Variants in NCOR1 observed in about 807,000 individuals in gnomAD.
NCOR1 encodes protein phosphatase 1, regulatory subunit 109.
NCOR1 carries 63 observed loss-of-function variants against 288.1 expected under a neutral mutation model. The observed-to-expected ratio is 0.22, with a 90% CI of 0.18 to 0.27. NCOR1 has a LOEUF of 0.27. Ranked by LOEUF, NCOR1 falls within the 10% of genes least tolerant of loss-of-function variation. The pLI, the probability that NCOR1 is intolerant of heterozygous loss-of-function variation, is 1.00. For missense variants in NCOR1, 2,397 were observed against 3,019.2 expected (o/e 0.79, Z 4.83); for synonymous variants, 1,007 against 1,065.9 (o/e 0.94, Z 1.08).
At chr17:16,090,183 G>T (rs965252792) in intron 22 of NCOR1, among the ~76,000 whole-genome samples, 2 of 152,040 alleles carry the variant, frequency 1.3e-5, no homozygotes, top group African/African-American at 4.8e-5. Flanking sequence ...ACCAATAAAA[G>T]ATATTGAGGC....
rs1311493743 is a variant in NCOR1 at position 16,030,174 on chromosome 17, T to C, written c.*2122A>G. The C allele has an allele frequency of 4.8e-6, 1 of 207,932 alleles. No individual in the cohort carries two copies. The highest frequency in any genetic ancestry group is 9.6e-6 in the Non-Finnish European group (1 of 103,928). 12.9% of individuals were successfully genotyped at this position (207,932 alleles called of 1,614,324 possible). On this transcript the variant is annotated 3_prime_UTR_variant, in exon 46 of 46. Coordinates refer to ENST00000268712, the MANE Select transcript of NCOR1 (RefSeq NM_006311.4). Reference sequence around the variant, plus strand: ...AGAGAAGAGAAAATGTTTGTTAAGATTATAAGGAAGAGAAAATATATTTAC... The same window carrying C: ...AGAGAAGAGAAAATGTTTGTTAAGACTATAAGGAAGAGAAAATATATTTAC...
chr17:16,203,058 C>T (rs1600514136), intron 1 of NCOR1, among the ~76,000 whole-genome samples: 1 of 151,798 alleles, frequency 6.6e-6, no homozygotes, highest in African/African-American at 2.4e-5. Context: ...CACACACACA[C>T]ACACACACAC....
intron 1 of NCOR1, among the ~76,000 whole-genome samples, chr17:16,209,302 GA>G (rs913482685): frequency 1.3e-5 from 2 of 148,468 alleles, no homozygotes; most frequent in East Asian, 3.9e-4. Context: ...ATAGTAACAA[GA>G]AAAAAAAACA....
At chr17:16,150,717 A>G (rs1354671008) in intron 8 of NCOR1, among the ~76,000 whole-genome samples, 3 of 152,152 alleles carry the variant, frequency 2.0e-5, no homozygotes, top group Non-Finnish European at 4.4e-5. Flanking sequence ...AAAAAAAAAA[A>G]AGTCATTAAG....
chr17:16,131,387 C>T (rs1165018420), intron 14 of NCOR1, among the ~76,000 whole-genome samples: 3 of 151,846 alleles, frequency 2.0e-5, no homozygotes, highest in African/African-American at 7.3e-5. Flanking sequence ...TCCCCTTTGG[C>T]AAGATCAAAT....
chr17:16,100,955 G>T (rs1056936315), intron 20 of NCOR1, among the ~76,000 whole-genome samples: 2 of 152,162 alleles, frequency 1.3e-5, no homozygotes, highest in Admixed American at 6.5e-5. Flanking sequence ...AGGCACAACA[G>T]TTATCTGTGG....
At chr17:16,189,383 G>A (rs1033425544) in intron 2 of NCOR1, among the ~76,000 whole-genome samples, 2 of 151,984 alleles carry the variant, frequency 1.3e-5, no homozygotes, top group Admixed American at 1.3e-4. Context: ...AACAGAGTGA[G>A]ACTCTGTCTC....
At chr17:16,110,351 C>CAA (rs1016422406) in intron 18 of NCOR1, among the ~76,000 whole-genome samples, 2 of 139,618 alleles carry the variant, frequency 1.4e-5, no homozygotes, top group African/African-American at 5.3e-5. Flanking sequence ...GAGACTCGTT[C>CAA]AAAAAAAAAA....
At chr17:16,142,306 T>C (rs1489838114) in intron 11 of NCOR1, among the ~76,000 whole-genome samples, 1 of 152,176 alleles carries the variant, frequency 6.6e-6, no homozygotes, top group African/African-American at 2.4e-5. Flanking sequence ...GCAAATCGAG[T>C]ATTAACTGTA....
At chr17:16,163,790 A>AC (rs1244172258) in intron 5 of NCOR1, among the ~76,000 whole-genome samples, 16 of 152,264 alleles carry the variant, frequency 1.1e-4, no homozygotes, top group Non-Finnish European at 1.8e-4. Context: ...AACAAAACAT[A>AC]GTAAACTCAC....
chr17:16,042,867 TA>T (rs2057992498), intron 42 of NCOR1, among the ~76,000 whole-genome samples: 1 of 152,194 alleles, frequency 6.6e-6, no homozygotes, highest in Non-Finnish European at 1.5e-5. Flanking sequence ...GATATGTAAG[TA>T]GAGCTTAGTA....
intron 3 of NCOR1, among the ~76,000 whole-genome samples, chr17:16,178,415 C>T (rs1201967747): frequency 6.9e-6 from 1 of 144,028 alleles, no homozygotes; most frequent in Non-Finnish European, 1.5e-5. Context: ...AGGAGAATTG[C>T]TTGAACCCAG....
At chr17:16,051,838 G>A (rs1238335682) in intron 40 of NCOR1, among the ~76,000 whole-genome samples, 1 of 152,102 alleles carries the variant, frequency 6.6e-6, no homozygotes, top group East Asian at 1.9e-4. Context: ...CTTGAACCAG[G>A]AGGCAGACGT....
intron 33 of NCOR1, 67 bp downstream of exon 33, chr17:16,065,418 T>C: frequency 6.7e-7 from 1 of 1,496,480 alleles, no homozygotes. Context: ...AAGTATTTAC[T>C]GAGTACCTAA....
intron 44 of NCOR1, among the ~76,000 whole-genome samples, chr17:16,037,711 C>G (rs1395889738): frequency 1.3e-5 from 2 of 152,210 alleles, no homozygotes; most frequent in Non-Finnish European, 2.9e-5. Flanking sequence ...CAGAACAAAG[C>G]TTCTTCATGC....
intron 5 of NCOR1, 92 bp downstream of exon 5, chr17:16,164,887 T>C (rs981159900): frequency 1.2e-5 from 11 of 907,442 alleles, no homozygotes; most frequent in East Asian, 8.2e-5. Flanking sequence ...TGATTCCTTT[T>C]ATGTAAAGTT....
chr17:16,044,921 G>A, intron 42 of NCOR1: 1 of 674,818 alleles, frequency 1.5e-6, no homozygotes, highest in South Asian at 1.5e-5. Flanking sequence ...AAGAATCTGA[G>A]GAGTCTGATG....
chr17:16,092,465 C>T (rs2065330646), intron 21 of NCOR1, among the ~76,000 whole-genome samples: 2 of 151,456 alleles, frequency 1.3e-5, no homozygotes, highest in Admixed American at 1.3e-4. Context: ...CCAGCCTGGG[C>T]AACACAGCAA....
intron 1 of NCOR1, among the ~76,000 whole-genome samples, chr17:16,197,097 A>C (rs2153568110): frequency 6.6e-6 from 1 of 152,162 alleles, no homozygotes; most frequent in African/African-American, 2.4e-5. Context: ...CAGCGCAGGC[A>C]GATCACGAGG....
Sources: gnomAD v4.1 joint callset for allele counts (sites outside exome capture counted in the v4.1 genomes callset) on GRCh38, gnomAD v4.1.1 for gene constraint, MANE v1.5 for transcripts, NCBI Gene and HGNC (gene_info 2026-07-23, HGNC 2026-07-21) for gene names.